SLC34A2: variants seen among roughly 807,000 people sequenced by gnomAD.
The protein encoded by SLC34A2 is sodium-dependent phosphate transport protein 2B.
Under a neutral mutation model 50.8 loss-of-function variants are expected in SLC34A2, and 41 were observed. The ratio of observed to expected loss-of-function variants is 0.81; its 90% CI spans 0.63 to 1.05. The LOEUF is 1.05. Ranked by LOEUF, SLC34A2 falls within the 50% of genes least tolerant of loss-of-function variation. The pLI, the probability that SLC34A2 is intolerant of heterozygous loss-of-function variation, is 0.00. For synonymous variants in SLC34A2, 401 were observed against 364.2 expected (o/e 1.10, Z -1.15); for missense variants, 879 against 876.7 (o/e 1.00, Z -0.03).
intron 4 of SLC34A2, 45 bp from the exon 5 acceptor site, chr4:25,666,083 C>G (rs569328765): frequency 1.2e-6 from 2 of 1,606,980 alleles, no homozygotes; most frequent in South Asian, 1.1e-5. Flanking sequence ...TAATCCCCCT[C>G]GATCACGTTG....
chr4:25,662,974 C>G (rs2109048933), intron 3 of SLC34A2, 132 bp downstream of exon 3: 1 of 1,081,466 alleles, frequency 9.2e-7, no homozygotes, highest in Middle Eastern at 3.0e-4. Flanking sequence ...GGGATGTCAC[C>G]CTCTCATCTT....
At position 25,666,221 on chromosome 4, in the gene SLC34A2, A is replaced by G. The variant is rs1420295743; in HGVS notation, c.473A>G (p.Gln158Arg). 6.2e-7 allele frequency: 1 copy of G among 1,613,934 alleles called. No homozygotes were observed. Among genetic ancestry groups the G allele is most frequent in the Non-Finnish European group, 8.5e-7 (1 of 1,180,020 alleles). ...VIGVLVTVLVQSSSTSTSIVV... is the reference protein window; with the variant it reads ...VIGVLVTVLVRSSSTSTSIVV... The stretch of plus-strand genomic sequence containing the variant: ...GGGGTGCTGGTGACCGTCTTGGTGC[A>G]GAGCTCCAGCACCTCAACGTCCATC... Residue 158 changes from glutamine to arginine, a missense_variant, in exon 5 of 13, where the codon CAG (glutamine) becomes CGG (arginine). Transcript: ENST00000382051.
chr4:25,676,567 T>A lies in SLC34A2; in HGVS notation c.1891T>A (p.Leu631Met). Residue 631 changes from leucine to methionine, a missense_variant, in exon 13 of 13, where the codon TTG becomes ATG. Physicochemically the swap from Leu to Met is conservative, Grantham distance 15 (BLOSUM62 2). Coordinates refer to ENST00000382051, the MANE Select transcript of SLC34A2 (RefSeq NM_006424.3). ...CCRVCCRACC[L>M]LCDCPKCCRC... ...CCGCGTGTGCTGCCGCGCGTGCTGCTTGCTGTGTGACTGCCCCAAGTGCTG... is the reference window on the plus strand; with the variant it reads ...CCGCGTGTGCTGCCGCGCGTGCTGCATGCTGTGTGACTGCCCCAAGTGCTG... 1.2e-6 allele frequency: 2 copies of A among 1,613,020 alleles called. No individual in the cohort carries two copies. The highest frequency in any genetic ancestry group is 1.7e-6 in the Non-Finnish European group (2 of 1,179,106).
intron 1 of SLC34A2, 73 bp from the exon 2 acceptor site, chr4:25,662,425 G>C: frequency 1.5e-6 from 2 of 1,365,278 alleles, no homozygotes; most frequent in Non-Finnish European, 2.1e-6. Context: ...GCAACCAATG[G>C]TTCTTCCTCT....
At chr4:25,661,397 A>G (rs986299327) in intron 1 of SLC34A2, among the ~76,000 whole-genome samples, 3 of 152,162 alleles carry the variant, frequency 2.0e-5, no homozygotes, top group Non-Finnish European at 2.9e-5. Context: ...ATATACTTAT[A>G]TATTTTGAGA....
chr4:25,660,180 T>C (rs1452383595), intron 1 of SLC34A2, among the ~76,000 whole-genome samples: 1 of 152,252 alleles, frequency 6.6e-6, no homozygotes, highest in Non-Finnish European at 1.5e-5. Context: ...ACCTTAAAGA[T>C]GAAGTGATGG....
At chr4:25,663,923 C>T (rs969140223) in intron 3 of SLC34A2, among the ~76,000 whole-genome samples, 10 of 152,142 alleles carry the variant, frequency 6.6e-5, no homozygotes, top group South Asian at 2.1e-4. Flanking sequence ...GTTTTTCTGT[C>T]GCAGACCACA....
At chr4:25,665,163 CTTTTTT>C (rs10676891) in intron 4 of SLC34A2, 9 of 127,408 alleles carry the variant, frequency 7.1e-5, no homozygotes, top group South Asian at 3.0e-4. Context: ...CTGGACATTG[CTTTTTT>C]TTTTTTTTTT....
intron 6 of SLC34A2, among the ~76,000 whole-genome samples, 189 bp from the exon 7 acceptor site, chr4:25,669,458 C>T (rs1398822183): frequency 6.6e-6 from 1 of 152,120 alleles, no homozygotes; most frequent in African/African-American, 2.4e-5. Flanking sequence ...CTTCATCTGG[C>T]CAATGGGAAT....
rs905956599 is a variant in SLC34A2 at position 25,665,322 on chromosome 4, A to G, written c.380-806A>G. Among the ~76,000 whole-genome samples the G allele has an allele frequency of 2.0e-5, 3 of 151,854 alleles. No individual in the cohort carries two copies. The East Asian group carries it at 5.8e-4, about 29-fold the overall frequency. On this transcript the variant is annotated intron_variant, in intron 4 of 12. Transcript: ENST00000382051. ...GCTGGGATTACAGGCATGCACCACC[A>G]TGCCTGGCTAATTTTTGTATTTTTA...
Position 25,666,348 on chromosome 4 carries a change from G to A in SLC34A2, c.523+77G>A, listed in dbSNP as rs558753267. The A allele has an allele frequency of 2.1e-4, 317 of 1,530,906 alleles. No homozygotes were observed. The African/African-American group carries it at 3.9e-3, about 19-fold the overall frequency. 94.8% of individuals were successfully genotyped at this position (1,530,906 alleles called of 1,614,324 possible). ...ATCTGAGGGTGGGAAGGACGGGGGA[G>A]GAATTCACTCTGAATATGTCCAGGC... On this transcript the variant is annotated intron_variant, in intron 5 of 12. Coordinates refer to ENST00000382051, the MANE Select transcript of SLC34A2 (RefSeq NM_006424.3).
chr4:25,675,753 T>C (rs1715074198), intron 12 of SLC34A2, among the ~76,000 whole-genome samples: 1 of 152,202 alleles, frequency 6.6e-6, no homozygotes, highest in South Asian at 2.1e-4. Context: ...GGCATGGAAA[T>C]TGGCACCTTG....
intron 9 of SLC34A2, 57 bp from the exon 10 acceptor site, chr4:25,673,029 CA>C: frequency 6.4e-7 from 1 of 1,560,674 alleles, no homozygotes; most frequent in Non-Finnish European, 8.8e-7. Context: ...GAATAAATAA[CA>C]ATCTGTAGCC....
rs1172107595 is a variant in SLC34A2 at position 25,674,500 on chromosome 4, C to G, written c.1334-5C>G. 6.2e-7 allele frequency: 1 copy of G among 1,614,212 alleles called. No individual in the cohort carries two copies. The highest frequency in any genetic ancestry group is 2.2e-5 in the East Asian group (1 of 44,878). ...TGATATGTTTGTGTTTTGTGTTTCCCCCAGGAATCGGCGTGATAACCATTG... is the reference window on the plus strand; with the variant it reads ...TGATATGTTTGTGTTTTGTGTTTCCGCCAGGAATCGGCGTGATAACCATTG... On this transcript the variant is annotated splice_region_variant and splice_polypyrimidine_tract_variant and intron_variant, in intron 11 of 12. Transcript: ENST00000382051.
chr4:25,671,509 G>T, intron 8 of SLC34A2, 92 bp from the exon 9 acceptor site: 6 of 1,518,944 alleles, frequency 4.0e-6, no homozygotes, highest in Non-Finnish European at 5.5e-6. Context: ...ACCATGGGTG[G>T]TGTCTGCGCC....
At chr4:25,674,175 G>A (rs1168174060) in intron 10 of SLC34A2, 121 bp from the exon 11 acceptor site, 2 of 743,582 alleles carry the variant, frequency 2.7e-6, no homozygotes, top group East Asian at 5.3e-5. Context: ...ACTCTACTCT[G>A]TAATCTGAGA....
rs1018038858 is a variant in SLC34A2, at chr4:25,678,376, G to C, written c.*1627G>C. 4 of 155,932 alleles carry C rather than the reference G, an allele frequency of 2.6e-5. No individual in the cohort carries two copies. The highest frequency in any genetic ancestry group is 2.0e-4 in the South Asian group (1 of 5,068). 9.7% of individuals were successfully genotyped at this position (155,932 alleles called of 1,614,324 possible). On this transcript the variant is annotated 3_prime_UTR_variant, in exon 13 of 13. Coordinates refer to ENST00000382051, the MANE Select transcript of SLC34A2 (RefSeq NM_006424.3). ...GTGCTCTCATTTGGAAATGAGGCAG[G>C]CTTCTTCTATGAAATGTAAAGAAAG...
At chr4:25,662,641 G>A (rs1202873988) in intron 2 of SLC34A2, 29 bp downstream of exon 2, 12 of 1,613,948 alleles carry the variant, frequency 7.4e-6, no homozygotes, top group Non-Finnish European at 1.0e-5. Context: ...TCTGCAGATC[G>A]GCCTTTGTGA....
intron 1 of SLC34A2, 87 bp from the exon 2 acceptor site, chr4:25,662,411 C>T (rs1185395144): frequency 4.8e-6 from 6 of 1,243,256 alleles, no homozygotes; most frequent in Non-Finnish European, 5.8e-6. Flanking sequence ...CCAGTTGATG[C>T]TTTGCAACCA....
Sources: gnomAD v4.1 joint callset for allele counts (sites outside exome capture counted in the v4.1 genomes callset) on GRCh38, gnomAD v4.1.1 for gene constraint, MANE v1.5 for transcripts, NCBI Gene and HGNC (gene_info 2026-07-23, HGNC 2026-07-21) for gene names.